CIT: variants seen among roughly 807,000 people sequenced by gnomAD.
CIT encodes citron Rho-interacting kinase.
In CIT, 79 loss-of-function variants were observed where a neutral mutation model predicts 272.7. The observed-to-expected ratio is 0.29, with a 90% CI of 0.24 to 0.35. CIT has a LOEUF of 0.35. Among genes scored for constraint, CIT ranks in the 10% least tolerant of loss-of-function variants. The probability of loss-of-function intolerance (pLI) is 1.00; values close to 1 mark genes in which losing one functional copy is unlikely to be tolerated. For missense variants in CIT, 1,909 were observed against 2,618.3 expected (o/e 0.73, Z 5.91); for synonymous variants, 948 against 995.6 (o/e 0.95, Z 0.90).
At chr12:119,863,524 GTTTT>G (rs1011539046) in intron 3 of CIT, among the ~76,000 whole-genome samples, 1 of 150,732 alleles carries the variant, frequency 6.6e-6, no homozygotes, top group Admixed American at 6.6e-5. Flanking sequence ...GTTTTTTTTT[GTTTT>G]TTTTGTTTGT....
At chr12:119,758,808 G>A in intron 20 of CIT, 108 bp from the exon 21 acceptor site, 1 of 752,580 alleles carries the variant, frequency 1.3e-6, no homozygotes, top group South Asian at 1.5e-5. Flanking sequence ...TTGGCTAGAG[G>A]TAACAAGGCA....
Position 119,710,176 on chromosome 12 carries a change from C to A in CIT, c.5071+75G>T. 3 of 1,522,048 alleles carry A rather than the reference C, an allele frequency of 2.0e-6. No homozygotes were observed. The highest frequency in any genetic ancestry group is 2.7e-6 in the Non-Finnish European group (3 of 1,120,680). The allele number at this position is 1,522,048 out of a possible 1,614,324, so 94.3% of individuals were successfully genotyped here. ...CTCCTCTCTACTATTTTGTGTTTTA[C>A]GAGCATGAAACGTGGCTTCAACATA... On this transcript the variant is annotated intron_variant, in intron 39 of 47. Transcript: ENST00000392521. This position sits in a 1 kb window ranked among gnomAD's most constrained non-coding sequence, Gnocchi z 5.6.
chr12:119,712,646 A>G lies in CIT; in HGVS notation c.4629T>C (p.Asp1543=). 1 of 1,614,138 alleles carries G rather than the reference A, an allele frequency of 6.2e-7. No homozygotes were observed. The highest frequency in any genetic ancestry group is 1.1e-5 in the South Asian group (1 of 91,074). Residue 1543 remains aspartate (D), a synonymous_variant, in exon 36 of 48, where the codon GAT becomes GAC. Coordinates refer to ENST00000392521, the MANE Select transcript of CIT (RefSeq NM_001206999.2). This position sits in a 1 kb window ranked among gnomAD's most constrained non-coding sequence, Gnocchi z 5.2. ...CACCAACGGCACCATGAATAGATACATCCCCGTCGGGAAGGCACAGCTCAA... is the reference window on the plus strand; with the variant it reads ...CACCAACGGCACCATGAATAGATACGTCCCCGTCGGGAAGGCACAGCTCAA... ...EEFELCLPDG[D]VSIHGAVGAS...
chr12:119,735,751 A>G (rs1210570405), intron 24 of CIT, among the ~76,000 whole-genome samples: 1 of 152,256 alleles, frequency 6.6e-6, no homozygotes, highest in Non-Finnish European at 1.5e-5. Flanking sequence ...CCATGACACT[A>G]TCACTAGGAC....
In CIT at chr12:119,834,181, T is replaced by A. The variant is rs1252812517; in HGVS notation, c.564A>T (p.Arg188Ser). Reference protein sequence around the residue: ...PGGDLLSLLNRYEDQLDENLI... With the variant: ...PGGDLLSLLNSYEDQLDENLI... ...GGTTTTCATCTAACTGGTCCTCATA[T>A]CTATTCAAAAGTGACAGCAAGTCCC... Residue 188 changes from arginine to serine, a missense_variant, in exon 6 of 48, where the codon AGA becomes AGT. Arg to Ser is a moderately radical substitution (Grantham distance 110). This residue lies in a region of CIT where 529 missense variants were observed against 549.6 expected (regional missense o/e 0.96). Coordinates refer to ENST00000392521, the MANE Select transcript of CIT (RefSeq NM_001206999.2). 1 of 1,613,902 alleles carries A rather than the reference T, an allele frequency of 6.2e-7. No homozygotes were observed.
intron 40 of CIT, among the ~76,000 whole-genome samples, chr12:119,706,460 C>T (rs1278353015): frequency 6.6e-6 from 1 of 151,998 alleles, no homozygotes; most frequent in Admixed American, 6.6e-5. Flanking sequence ...CTCTGACGGG[C>T]CCCAGTGTGT....
chr12:119,700,219 T>C (rs1956479240), intron 44 of CIT, among the ~76,000 whole-genome samples: 1 of 152,218 alleles, frequency 6.6e-6, no homozygotes, highest in Admixed American at 6.5e-5. Context: ...GGGCTGGGAC[T>C]GTGGGCTGGT....
At position 119,713,060 on chromosome 12, in the gene CIT, G is replaced by T; in HGVS notation, c.4579+143C>A. On this transcript the variant is annotated intron_variant, in intron 35 of 47. Coordinates refer to ENST00000392521, the MANE Select transcript of CIT (RefSeq NM_001206999.2). The surrounding 1 kb of genome is among the most constrained non-coding windows in gnomAD (Gnocchi z 5.2). ...GAGTATCGCACCAATAACCTTTAGA[G>T]AAGTCATTTGGTTTGTAAGTTTCAA... 8.6e-6 allele frequency: 6 copies of T among 701,216 alleles called. No individual in the cohort carries two copies. Among genetic ancestry groups the T allele is most frequent in the Non-Finnish European group, 1.5e-5 (6 of 397,274 alleles). The allele number at this position is 701,216 out of a possible 1,614,324, so 43.4% of individuals were successfully genotyped here. A position where few individuals can be genotyped will look rare whatever the true frequency, so the allele number is the denominator to read the frequency against.
In CIT at chr12:119,845,338, A is replaced by G. The variant is rs1969718169; in HGVS notation, c.516+4836T>C. On this transcript the variant is annotated intron_variant, in intron 5 of 47. Coordinates refer to ENST00000392521, the MANE Select transcript of CIT (RefSeq NM_001206999.2). ...AGGCTATGCCCAAGCAGATGTCCAC[A>G]GCAGTTAAATCCACAACTAAGAAGA... is the stretch of plus-strand genomic sequence containing the variant. Among the ~76,000 whole-genome samples the G allele has an allele frequency of 2.0e-5, 3 of 151,980 alleles. No individual in the cohort carries two copies. In the South Asian group the frequency reaches 6.2e-4, roughly 32 times the overall value.
intron 9 of CIT, among the ~76,000 whole-genome samples, chr12:119,809,630 C>T (rs1966786511): frequency 2.0e-5 from 3 of 152,174 alleles, no homozygotes; most frequent in Admixed American, 2.0e-4. Context: ...AATCTTCCCC[C>T]ACCTTTCTGA....
Position 119,825,264 on chromosome 12 carries a change from C to T in CIT, c.858G>A (p.Trp286Ter). 1 of 1,614,182 alleles carries T rather than the reference C, an allele frequency of 6.2e-7. No individual in the cohort carries two copies. The highest frequency in any genetic ancestry group is 8.5e-7 in the Non-Finnish European group (1 of 1,180,034). The change falls in exon 8 of 48, where the codon TGG becomes TGA. Residue 286 changes from tryptophan to a stop codon, truncating the protein, a stop_gained. Transcript: ENST00000392521. LOFTEE classifies it high-confidence loss of function. ...GKGTYGLDCD[W>*]WSVGVIAYEM... ...CATAGGCAATCACGCCCACTGACCA[C>T]CAGTCACAGTCCAGGCCGTAGGTGC...
In CIT at chr12:119,782,510, A is replaced by G; in HGVS notation, c.1665+8T>C. The G allele has an allele frequency of 6.2e-7, 1 of 1,613,446 alleles. No homozygotes were observed. The highest frequency in any genetic ancestry group is 1.1e-5 in the South Asian group (1 of 90,998). On this transcript the variant is annotated splice_region_variant and intron_variant, in intron 13 of 47. Coordinates refer to ENST00000392521, the MANE Select transcript of CIT (RefSeq NM_001206999.2). ...GATGCTGCTGTGCTCCCAGGCAAGCAGGCCTACCTGCTCTTTGATTTCTTG... is the reference window on the plus strand; with the variant it reads ...GATGCTGCTGTGCTCCCAGGCAAGCGGGCCTACCTGCTCTTTGATTTCTTG...
chr12:119,859,616 A>T (rs372128849), intron 3 of CIT, among the ~76,000 whole-genome samples: 1 of 152,280 alleles, frequency 6.6e-6, no homozygotes, highest in African/African-American at 2.4e-5. Flanking sequence ...CAGGAGTTCA[A>T]GACAAGCCTG....
chr12:119,748,499 AC>A (rs1455664136), intron 23 of CIT, among the ~76,000 whole-genome samples: 3 of 151,834 alleles, frequency 2.0e-5, no homozygotes, highest in African/African-American at 7.3e-5. Flanking sequence ...CTGTGCACCC[AC>A]CCCCTTTCAG....
At position 119,726,968 on chromosome 12, in the gene CIT, A is replaced by C. The variant is rs561476709; in HGVS notation, c.3591+1534T>G. The stretch of plus-strand genomic sequence containing the variant: ...TTAACTAAATTACCCAATGTTCAAA[A>C]ACCTTCATGAAATTTGGTACTCAGA... On this transcript the variant is annotated intron_variant, in intron 28 of 47. Transcript: ENST00000392521. Among the ~76,000 whole-genome samples, 5 of 152,346 alleles carry C rather than the reference A, an allele frequency of 3.3e-5. No individual in the cohort carries two copies. In the East Asian group the frequency reaches 9.6e-4, roughly 29 times the overall value.
intron 28 of CIT, among the ~76,000 whole-genome samples, chr12:119,726,550 A>ATACTT (rs1958123303): frequency 6.6e-6 from 1 of 151,988 alleles, no homozygotes; most frequent in Admixed American, 6.6e-5. Context: ...AAATGTCACT[A>ATACTT]TACTTTTCAA....
intron 7 of CIT, among the ~76,000 whole-genome samples, chr12:119,828,613 A>C (rs1968353643): frequency 6.6e-6 from 1 of 151,784 alleles, no homozygotes; most frequent in Non-Finnish European, 1.5e-5. Context: ...CCCAGGCTAG[A>C]GTGCAGTGGC....
intron 2 of CIT, among the ~76,000 whole-genome samples, chr12:119,875,278 G>A (rs542796237): frequency 3.3e-5 from 5 of 152,314 alleles, no homozygotes; most frequent in African/African-American, 1.2e-4. Flanking sequence ...ACTCCAGCCT[G>A]AGCCACAGAG....
At chr12:119,865,864 C>CAAAAAAAAAAA in intron 3 of CIT, among the ~76,000 whole-genome samples, 1 of 91,422 alleles carries the variant, frequency 1.1e-5, no homozygotes, top group Non-Finnish European at 2.2e-5. Flanking sequence ...AGCAAGACTC[C>CAAAAAAAAAAA]AAAAAAAAAA....
Sources: gnomAD v4.1 joint callset for allele counts (sites outside exome capture counted in the v4.1 genomes callset) on GRCh38, gnomAD v4.1.1 for gene constraint, gnomAD v4.1.1 regional missense constraint, Gnocchi (gnomAD v3.1) non-coding constraint, MANE v1.5 for transcripts, NCBI Gene and HGNC (gene_info 2026-07-23, HGNC 2026-07-21) for gene names.